TRAK1: variants seen among roughly 807,000 people sequenced by gnomAD.
TRAK1 encodes trafficking kinesin protein 1, also known as trafficking kinesin-binding protein 1.
A neutral mutation model predicts 92.1 loss-of-function variants in TRAK1; 33 were observed. That is an observed-to-expected ratio of 0.36 (90% CI 0.27 to 0.48). The LOEUF is 0.48. TRAK1 is among the 20% of genes least tolerant of loss of function. The pLI, the probability that TRAK1 is intolerant of heterozygous loss-of-function variation, is 0.99. For synonymous variants in TRAK1, 521 were observed against 517.3 expected, an observed-to-expected ratio of 1.01 and a Z score of -0.10; for missense variants, 1,123 against 1,257.9, an observed-to-expected ratio of 0.89 and a Z score of 1.62.
intron 2 of TRAK1, chr3:42,160,318 A>G (rs374331015): frequency 3.1e-6 from 5 of 1,609,174 alleles, no homozygotes; most frequent in Non-Finnish European, 4.2e-6. Flanking sequence ...ACCCCCAAGG[A>G]TGGTCCCTTA....
chr3:42,199,048 T>C (rs1457269082), intron 10 of TRAK1, 129 bp from the exon 11 acceptor site: 10 of 866,636 alleles, frequency 1.2e-5, no homozygotes, highest in Non-Finnish European at 1.8e-5. Context: ...TAAGTTTGTG[T>C]TGTGGGAAGA....
rs2149555987 is a variant in TRAK1 at position 42,223,642 on chromosome 3, A to G, written c.2767A>G (p.Met923Val). 6.2e-7 allele frequency: 1 copy of G among 1,614,006 alleles called. No individual in the cohort carries two copies. Among genetic ancestry groups the G allele is most frequent in the Non-Finnish European group, 8.5e-7 (1 of 1,180,000 alleles). The change falls in exon 16 of 16, where the codon ATG becomes GTG. Residue 923 changes from methionine (M) to valine (V), a missense_variant. Physicochemically the swap from Met to Val is conservative, Grantham distance 21. This residue lies in a region of TRAK1 where 401 missense variants were observed against 438.9 expected (regional missense o/e 0.91). Coordinates refer to ENST00000327628, the MANE Select transcript of TRAK1 (RefSeq NM_001042646.3). The surrounding 1 kb of genome is among the most constrained non-coding windows in gnomAD (Gnocchi z 6.1). The part of the protein sequence containing the change: ...GIRRNRSFPT[M>V]VGSSMQMKAP... ...CCGGCGGAATCGCAGCTTCCCCACCATGGTGGGATCTAGCATGCAGATGAA... is the reference window on the plus strand; with the variant it reads ...CCGGCGGAATCGCAGCTTCCCCACCGTGGTGGGATCTAGCATGCAGATGAA...
chr3:42,062,366 G>A (rs1703481702), intron 1 of TRAK1, among the ~76,000 whole-genome samples: 1 of 151,952 alleles, frequency 6.6e-6, no homozygotes, highest in Admixed American at 6.6e-5. Flanking sequence ...TCCTACTAGG[G>A]CCAATTTCAA....
In TRAK1 at chr3:42,023,744, G is replaced by GTT. The variant is rs780080581; in HGVS notation, c.-519+9653_-519+9654dup. On this transcript the variant is annotated intron_variant, in intron 1 of 16. Transcript: ENST00000487159. ...TGCTGAGTTTGACGTGCTCGTGAGG[G>GTT]TTTTTTTTTTTTTTTTTTTTTTTTT... Among the ~76,000 whole-genome samples, 216 of 99,054 alleles carry GTT rather than the reference G, an allele frequency of 2.2e-3. 16 individuals are homozygous for GTT. Among genetic ancestry groups the GTT allele is most frequent in the Non-Finnish European group, 2.7e-3 (139 of 51,658 alleles). 65.0% of individuals were successfully genotyped at this position (99,054 alleles called of 152,430 possible).
chr3:42,102,072 G>A (rs1339281829), intron 1 of TRAK1, among the ~76,000 whole-genome samples: 2 of 152,126 alleles, frequency 1.3e-5, no homozygotes, highest in African/African-American at 4.8e-5. Context: ...TGCAACTTCC[G>A]CCTCCCAGGT....
intron 14 of TRAK1, chr3:42,211,971 G>A (rs1309373676): frequency 1.0e-6 from 1 of 985,310 alleles, no homozygotes; most frequent in African/African-American, 1.7e-5. Flanking sequence ...TCATTTAGAT[G>A]AGAGTTCTTT....
chr3:42,052,173 G>A (rs1703009802), intron 1 of TRAK1, among the ~76,000 whole-genome samples: 1 of 152,224 alleles, frequency 6.6e-6, no homozygotes, highest in Non-Finnish European at 1.5e-5. Flanking sequence ...GTGCTGAACA[G>A]TCCATTGTGT....
At chr3:42,087,780 A>G (rs575412854), upstream of TRAK1, among the ~76,000 whole-genome samples, 2 of 152,348 alleles carry the variant, frequency 1.3e-5, no homozygotes, top group African/African-American at 4.8e-5. Flanking sequence ...AGACAGGTGT[A>G]GTGGGAATAA....
intron 13 of TRAK1, chr3:42,203,769 C>T: frequency 1.1e-5 from 11 of 967,674 alleles, no homozygotes; most frequent in Non-Finnish European, 1.4e-5. Context: ...CTAATCACCC[C>T]CCAAAGACAT....
At chr3:42,219,198 C>G (rs191214389) in intron 14 of TRAK1, 3 of 985,068 alleles carry the variant, frequency 3.0e-6, no homozygotes, top group Admixed American at 6.2e-5. Context: ...ACCCCACCCC[C>G]CTCGCCTCCC....
upstream of TRAK1, among the ~76,000 whole-genome samples, chr3:42,084,865 A>G (rs1289219503): frequency 6.6e-6 from 1 of 151,668 alleles, no homozygotes; most frequent in Non-Finnish European, 1.5e-5. Flanking sequence ...AAATTCCTAA[A>G]GGTTCCAAGC....
chr3:42,201,883 GACACACAC>G lies in TRAK1; in HGVS notation c.1428-512_1428-505del, dbSNP rs56336064. Among the ~76,000 whole-genome samples the G allele has an allele frequency of 8.8e-3, 1,107 of 125,168 alleles. 10 individuals are homozygous for G. The highest frequency in any genetic ancestry group is 0.03 in the Middle Eastern group (7 of 236). 82.1% of individuals were successfully genotyped at this position (125,168 alleles called of 152,430 possible). A position where few individuals can be genotyped will look rare whatever the true frequency, so the allele number is the denominator to read the frequency against. The stretch of plus-strand genomic sequence containing the variant: ...GGACGGACGGACGGACGGACAGACG[GACACACAC>G]ACACACACACACACACACACACACA... On this transcript the variant is annotated intron_variant, in intron 12 of 15. Coordinates refer to ENST00000327628, the MANE Select transcript of TRAK1 (RefSeq NM_001042646.3).
chr3:42,225,420 T>G lies in TRAK1; in HGVS notation c.*1683T>G, dbSNP rs1710684880. 1 of 152,196 alleles carries G rather than the reference T, an allele frequency of 6.6e-6. No homozygotes were observed. Among genetic ancestry groups the G allele is most frequent in the African/African-American group, 2.4e-5 (1 of 41,458 alleles). The allele number at this position is 152,196 out of a possible 1,614,324, so 9.4% of individuals were successfully genotyped here. ...ACTATTTATTCTCTGAACACAAGAGTATTGGTTAATTATGTTCTCAGCTCT... is the reference window on the plus strand; with the variant it reads ...ACTATTTATTCTCTGAACACAAGAGGATTGGTTAATTATGTTCTCAGCTCT... On this transcript the variant is annotated 3_prime_UTR_variant, in exon 16 of 16. Transcript: ENST00000327628.
In TRAK1 at chr3:42,223,852, C is replaced by G. The variant is rs888341822; in HGVS notation, c.*115C>G. The G allele has an allele frequency of 3.3e-6, 4 of 1,220,018 alleles. No individual in the cohort carries two copies. The highest frequency in any genetic ancestry group is 2.5e-5 in the East Asian group (1 of 40,618). 75.6% of individuals were successfully genotyped at this position (1,220,018 alleles called of 1,614,324 possible). A position where few individuals can be genotyped will look rare whatever the true frequency, so the allele number is the denominator to read the frequency against. The stretch of plus-strand genomic sequence containing the variant: ...TCCCTCTGCCCTTCTCTGTCCACCC[C>G]CTCCTAAGCTAGACAAATCAACCTC... On this transcript the variant is annotated 3_prime_UTR_variant, in exon 16 of 16. Coordinates refer to ENST00000327628, the MANE Select transcript of TRAK1 (RefSeq NM_001042646.3). This position sits in a 1 kb window ranked among gnomAD's most constrained non-coding sequence, Gnocchi z 6.1.
At chr3:42,166,901 G>A (rs1239273140) in intron 2 of TRAK1, among the ~76,000 whole-genome samples, 2 of 152,210 alleles carry the variant, frequency 1.3e-5, no homozygotes, top group South Asian at 4.1e-4. Context: ...ACAGACCATT[G>A]TTCGTACGGC....
intron 1 of TRAK1, among the ~76,000 whole-genome samples, chr3:42,028,543 G>A (rs943120154): frequency 6.6e-6 from 1 of 152,220 alleles, no homozygotes; most frequent in Non-Finnish European, 1.5e-5. Context: ...CAGCAGAGGT[G>A]TCTTTAGGGA....
chr3:42,151,171 T>C (rs899651514), intron 2 of TRAK1, among the ~76,000 whole-genome samples: 1 of 152,212 alleles, frequency 6.6e-6, no homozygotes, highest in Non-Finnish European at 1.5e-5. Context: ...GATGCCATCC[T>C]AGAAGTGGAG....
chr3:42,147,667 A>G (rs961813157), intron 2 of TRAK1, among the ~76,000 whole-genome samples: 2 of 152,172 alleles, frequency 1.3e-5, no homozygotes, highest in African/African-American at 4.8e-5. Context: ...TGCAGTCCAC[A>G]AGAGGACAGG....
Position 42,184,638 on chromosome 3 carries a change from G to A in TRAK1, c.364-47G>A, listed in dbSNP as rs1371986748. On this transcript the variant is annotated intron_variant, in intron 3 of 15. Transcript: ENST00000327628. ...CACTGAGCACCATTGACTCCTTCAGGAAACACAGGTCTTTTGAATCTCTGT... is the reference window on the plus strand; with the variant it reads ...CACTGAGCACCATTGACTCCTTCAGAAAACACAGGTCTTTTGAATCTCTGT... 1.9e-6 allele frequency: 3 copies of A among 1,586,338 alleles called. No individual in the cohort carries two copies. The South Asian group carries it at 3.3e-5, about 18-fold the overall frequency.
Sources: gnomAD v4.1 joint callset for allele counts (sites outside exome capture counted in the v4.1 genomes callset) on GRCh38, gnomAD v4.1.1 for gene constraint, gnomAD v4.1.1 regional missense constraint, Gnocchi (gnomAD v3.1) non-coding constraint, MANE v1.5 for transcripts, NCBI Gene and HGNC (gene_info 2026-07-23, HGNC 2026-07-21) for gene names.